CELSR3: variants seen among roughly 807,000 people sequenced by gnomAD.
CELSR3 encodes the protein EGF-like protein 1.
In CELSR3, 73 loss-of-function variants were observed where a neutral mutation model predicts 270.0. The ratio of observed to expected loss-of-function variants is 0.27; its 90% CI spans 0.22 to 0.33. CELSR3 has a LOEUF of 0.33. CELSR3 is among the 10% of genes least tolerant of loss of function. CELSR3 has a pLI of 1.00. For missense variants in CELSR3, 3,614 were observed against 4,533.8 expected, an observed-to-expected ratio of 0.80 and a Z score of 5.83; for synonymous variants, 1,780 against 1,905.4, an observed-to-expected ratio of 0.93 and a Z score of 1.71.
Position 48,654,321 on chromosome 3 carries a change from G to A in CELSR3, c.5120C>T (p.Ala1707Val), listed in dbSNP as rs755271701. 4.3e-6 allele frequency: 7 copies of A among 1,613,960 alleles called. No homozygotes were observed. The highest frequency in any genetic ancestry group is 4.5e-5 in the East Asian group (2 of 44,880). ...LHIDGRRVDM[A>V]AFVANNGTMA... is the part of the protein sequence containing the mutation. ...GGTGCCATTATTTGCGACAAAAGCC[G>A]CCATGTCCACTCGGCGGCCATCAAT... Residue 1707 changes from alanine (A) to valine (V), a missense_variant, in exon 7 of 35, where the codon GCG (alanine) becomes GTG (valine). Ala to Val is a moderately conservative substitution (Grantham distance 64). Around this residue, in one of 7 missense-constraint regions of CELSR3, gnomAD observed 1,331 missense variants for 1,933.7 expected, o/e 0.69. Transcript: ENST00000164024. This position sits in a 1 kb window ranked among gnomAD's most constrained non-coding sequence, Gnocchi z 5.4.
Position 48,655,224 on chromosome 3 carries a change from C to T in CELSR3, c.4831-23G>A. The T allele has an allele frequency of 6.2e-7, 1 of 1,614,022 alleles. No individual in the cohort carries two copies. On this transcript the variant is annotated intron_variant, in intron 5 of 34. Transcript: ENST00000164024. This position sits in a 1 kb window ranked among gnomAD's most constrained non-coding sequence, Gnocchi z 5.8. ...GGGCTGAAGACGCAGGCACACCAGT[C>T]AACAGTGCCCCCAGTAACCCCTGAG...
chr3:48,643,719 C>T (rs202095890), intron 27 of CELSR3, 42 bp from the exon 28 acceptor site: 2 of 1,548,018 alleles, frequency 1.3e-6, no homozygotes, highest in East Asian at 2.4e-5. Context: ...ACATGCAAGG[C>T]TCATGTAGGA....
chr3:48,638,146 TCC>T lies in CELSR3; in HGVS notation c.*57_*58del. 3 of 1,516,088 alleles carry T rather than the reference TCC, an allele frequency of 2.0e-6. No individual in the cohort carries two copies. The highest frequency in any genetic ancestry group is 2.7e-6 in the Non-Finnish European group (3 of 1,091,336). The allele number at this position is 1,516,088 out of a possible 1,614,324, so 93.9% of individuals were successfully genotyped here. A position where few individuals can be genotyped will look rare whatever the true frequency, so the allele number is the denominator to read the frequency against. ...GATCTGCCCCCACTCCTGGAGTCTC[TCC>T]TGTTAGCCTAGATCCTCTGTCGCCC... On this transcript the variant is annotated 3_prime_UTR_variant, in exon 35 of 35. Transcript: ENST00000164024.
Position 48,661,330 on chromosome 3 carries a change from T to C in CELSR3, c.1305A>G (p.Gln435=). ...DRNDHSPVFE[Q]AQYRETLREN... is the part of the protein sequence containing the mutation. The stretch of plus-strand genomic sequence containing the variant: ...CGCGAAGGGTCTCCCGGTACTGCGC[T>C]TGCTCAAAAACCGGCGAGTGGTCGT... Residue 435 remains glutamine, a synonymous_variant, in exon 1 of 35, where the codon CAA becomes CAG. Coordinates refer to ENST00000164024, the MANE Select transcript of CELSR3 (RefSeq NM_001407.3). The C allele has an allele frequency of 6.2e-7, 1 of 1,613,376 alleles. No individual in the cohort carries two copies. The highest frequency in any genetic ancestry group is 2.2e-5 in the East Asian group (1 of 44,874).
rs2047001112 is a variant in CELSR3, at chr3:48,639,316, C to T, written c.9911+358G>A. ...AGGCGAACCTTCCCAAGCAAGGCCT[C>T]CTGCTCTCCTCCCTGCCCCTTGCAT... On this transcript the variant is annotated intron_variant, in intron 34 of 34. Transcript: ENST00000164024. The surrounding 1 kb of genome is among the most constrained non-coding windows in gnomAD (Gnocchi z 4.1). 6.6e-6 allele frequency among the ~76,000 whole-genome samples: 1 copy of T among 152,198 alleles called. No homozygotes were observed. Among genetic ancestry groups the T allele is most frequent in the African/African-American group, 2.4e-5 (1 of 41,450 alleles).
chr3:48,645,979 T>G lies in CELSR3; in HGVS notation c.7463+111A>C. 2 of 1,570,490 alleles carry G rather than the reference T, an allele frequency of 1.3e-6. No homozygotes were observed. The highest frequency in any genetic ancestry group is 1.7e-6 in the Non-Finnish European group (2 of 1,153,094). ...TGGAGTTGGGGTACAGCATTCCTCATGGTCCGGGTTGCACAACAGCACTAG... is the reference window on the plus strand; with the variant it reads ...TGGAGTTGGGGTACAGCATTCCTCAGGGTCCGGGTTGCACAACAGCACTAG... On this transcript the variant is annotated intron_variant, in intron 22 of 34. Transcript: ENST00000164024. The surrounding 1 kb of genome is among the most constrained non-coding windows in gnomAD (Gnocchi z 5.4).
In CELSR3 at chr3:48,644,491, G is replaced by C. The variant is rs755480798; in HGVS notation, c.8086-196C>G. 1.3e-5 allele frequency among the ~76,000 whole-genome samples: 2 copies of C among 152,100 alleles called. No homozygotes were observed. The highest frequency in any genetic ancestry group is 2.9e-5 in the Non-Finnish European group (2 of 68,002). On this transcript the variant is annotated intron_variant, in intron 26 of 34. Coordinates refer to ENST00000164024, the MANE Select transcript of CELSR3 (RefSeq NM_001407.3). This position sits in a 1 kb window ranked among gnomAD's most constrained non-coding sequence, Gnocchi z 4.8. ...GGAACCAGAGAGGGACTGAGAGAGA[G>C]AAGCAGAGACAGAGGCAGGGACAGG...
rs1156857824 is a variant in CELSR3 at position 48,661,632 on chromosome 3, G to C, written c.1003C>G (p.Pro335Ala). The C allele has an allele frequency of 8.7e-6, 14 of 1,603,982 alleles. No individual in the cohort carries two copies. The highest frequency in any genetic ancestry group is 9.4e-6 in the Non-Finnish European group (11 of 1,175,264). Residue 335 changes from proline (P) to alanine (A), a missense_variant, in exon 1 of 35, where the codon CCG becomes GCG. By Grantham distance (27) the Pro-to-Ala change is conservative. Transcript: ENST00000164024. ...GCGGTGCCTGCTGCCTCATTCTCCG[G>C]CACCAGCGTCTGGTAGTTGTACTGC... is the stretch of plus-strand genomic sequence containing the variant. Reference protein sequence around the residue: ...FPQYNYQTLVPENEAAGTAVL... With the variant: ...FPQYNYQTLVAENEAAGTAVL...
In CELSR3 at chr3:48,650,431, A is replaced by G; in HGVS notation, c.6472+49T>C. 59 of 861,002 alleles carry G rather than the reference A, an allele frequency of 6.9e-5. No individual in the cohort carries two copies. Among genetic ancestry groups the G allele is most frequent in the East Asian group, 1.7e-4 (5 of 29,742 alleles). 53.3% of individuals were successfully genotyped at this position (861,002 alleles called of 1,614,324 possible). On this transcript the variant is annotated intron_variant, in intron 16 of 34. Coordinates refer to ENST00000164024, the MANE Select transcript of CELSR3 (RefSeq NM_001407.3). This position sits in a 1 kb window ranked among gnomAD's most constrained non-coding sequence, Gnocchi z 5.1. The stretch of plus-strand genomic sequence containing the variant: ...AAGACATGGCTCTAGCAGTCAGAGT[A>G]CAGGCCCACCCCCACCCTCAGTGAT...
chr3:48,642,732 T>C lies in CELSR3; in HGVS notation c.8555+4A>G. Reference sequence around the variant, plus strand: ...TTCCCTCACAAGGAGGCTCTTCCTCTCACCTGAGGTAGCTGCGGCCCCGCT... The same window carrying C: ...TTCCCTCACAAGGAGGCTCTTCCTCCCACCTGAGGTAGCTGCGGCCCCGCT... On this transcript the variant is annotated splice_donor_region_variant and intron_variant, in intron 30 of 34. Transcript: ENST00000164024. The surrounding 1 kb of genome is among the most constrained non-coding windows in gnomAD (Gnocchi z 6.1). The C allele has an allele frequency of 6.2e-7, 1 of 1,608,630 alleles. No homozygotes were observed. The highest frequency in any genetic ancestry group is 8.5e-7 in the Non-Finnish European group (1 of 1,179,282).
In CELSR3 at chr3:48,662,751, G is replaced by T; in HGVS notation, c.-117C>A. 1 of 241,884 alleles carries T rather than the reference G, an allele frequency of 4.1e-6. No homozygotes were observed. The highest frequency in any genetic ancestry group is 6.4e-6 in the Non-Finnish European group (1 of 155,802). The allele number at this position is 241,884 out of a possible 1,614,324, so 15.0% of individuals were successfully genotyped here. A position where few individuals can be genotyped will look rare whatever the true frequency, so the allele number is the denominator to read the frequency against. ...CGCCGCCCCGGGCCCCCGCCCCTCC[G>T]CCTGTCTCTCCGCACCCCCGCCGCC... On this transcript the variant is annotated 5_prime_UTR_variant, in exon 1 of 35. Coordinates refer to ENST00000164024, the MANE Select transcript of CELSR3 (RefSeq NM_001407.3). This position sits in a 1 kb window ranked among gnomAD's most constrained non-coding sequence, Gnocchi z 7.1.
In CELSR3 at chr3:48,651,536, C is replaced by T; in HGVS notation, c.6065+41G>A. On this transcript the variant is annotated intron_variant, in intron 13 of 34. Coordinates refer to ENST00000164024, the MANE Select transcript of CELSR3 (RefSeq NM_001407.3). The surrounding 1 kb of genome is among the most constrained non-coding windows in gnomAD (Gnocchi z 7.4). ...ACGGTATCCCAGTGACCCTCCCTGTCCCTGCCAGGTCTCCCCATCGCCTCA... is the reference window on the plus strand; with the variant it reads ...ACGGTATCCCAGTGACCCTCCCTGTTCCTGCCAGGTCTCCCCATCGCCTCA... 6.2e-7 allele frequency: 1 copy of T among 1,601,190 alleles called. No individual in the cohort carries two copies. The highest frequency in any genetic ancestry group is 8.5e-7 in the Non-Finnish European group (1 of 1,171,534).
Position 48,655,863 on chromosome 3 carries a change from G to T in CELSR3, c.4626-12C>A. Reference sequence around the variant, plus strand: ...GCACTGTCGCGAACCTGGGCGGGGTGGGAGGGGGTTGCGGGGGTGGGAGCG... The same window carrying T: ...GCACTGTCGCGAACCTGGGCGGGGTTGGAGGGGGTTGCGGGGGTGGGAGCG... On this transcript the variant is annotated splice_polypyrimidine_tract_variant and intron_variant, in intron 3 of 34. Coordinates refer to ENST00000164024, the MANE Select transcript of CELSR3 (RefSeq NM_001407.3). This position sits in a 1 kb window ranked among gnomAD's most constrained non-coding sequence, Gnocchi z 5.8. 2.1e-6 allele frequency: 3 copies of T among 1,456,696 alleles called. No homozygotes were observed. Among genetic ancestry groups the T allele is most frequent in the South Asian group, 1.2e-5 (1 of 86,712 alleles). The allele number at this position is 1,456,696 out of a possible 1,614,324, so 90.2% of individuals were successfully genotyped here.
intron 28 of CELSR3, 65 bp from the exon 29 acceptor site, chr3:48,643,148 G>A: frequency 9.1e-7 from 1 of 1,097,450 alleles, no homozygotes; most frequent in Non-Finnish European, 1.4e-6. Flanking sequence ...ATAAGTCACT[G>A]TGGGTCAGCA....
chr3:48,656,180 G>A lies in CELSR3; in HGVS notation c.4585C>T (p.Arg1529Cys). ...SFPPSSFVMF[R>C]GLRQRFHLTL... is the part of the protein sequence containing the mutation. Reference sequence around the variant, plus strand: ...AGGTGGAATCGCTGCCGCAGGCCGCGAAACATGACGAACGAACTGGGCGGG... The same window carrying A: ...AGGTGGAATCGCTGCCGCAGGCCGCAAAACATGACGAACGAACTGGGCGGG... Residue 1529 changes from arginine (R) to cysteine (C), a missense_variant, in exon 3 of 35, where the codon CGC becomes TGC. By Grantham distance (180) the Arg-to-Cys change is radical. Coordinates refer to ENST00000164024, the MANE Select transcript of CELSR3 (RefSeq NM_001407.3). 6.5e-7 allele frequency: 1 copy of A among 1,538,004 alleles called. No individual in the cohort carries two copies. The highest frequency in any genetic ancestry group is 8.7e-7 in the Non-Finnish European group (1 of 1,148,090).
rs571290185 is a variant in CELSR3 at position 48,645,525 on chromosome 3, C to G, written c.7715G>C (p.Arg2572Pro). 7 of 1,612,782 alleles carry G rather than the reference C, an allele frequency of 4.3e-6. No individual in the cohort carries two copies. The South Asian group carries it at 5.5e-5, about 13-fold the overall frequency. ...LSLRSLKSNVRGIHANVAAAL... is the reference protein window; with the variant it reads ...LSLRSLKSNVPGIHANVAAAL... ...GGCTGCCACATTGGCATGGATCCCA[C>G]GCACATTGGACTTGAGGCTGCGCAG... Residue 2572 changes from arginine to proline, a missense_variant, in exon 24 of 35, where the codon CGT becomes CCT. By Grantham distance (103) the Arg-to-Pro change is moderately radical. Transcript: ENST00000164024. The surrounding 1 kb of genome is among the most constrained non-coding windows in gnomAD (Gnocchi z 5.4).
Position 48,637,431 on chromosome 3 carries a change from C to T in CELSR3, c.*774G>A, listed in dbSNP as rs2046982072. Reference sequence around the variant, plus strand: ...GCTTGCTGCAGGGGCAGGTGAATGACCCCTCCACCGACCCTCTGCAGGAAT... The same window carrying T: ...GCTTGCTGCAGGGGCAGGTGAATGATCCCTCCACCGACCCTCTGCAGGAAT... On this transcript the variant is annotated 3_prime_UTR_variant, in exon 35 of 35. Coordinates refer to ENST00000164024, the MANE Select transcript of CELSR3 (RefSeq NM_001407.3). 5.9e-5 allele frequency: 9 copies of T among 152,722 alleles called. 1 individual carries two copies. The South Asian group carries it at 1.9e-3, about 32-fold the overall frequency. 9.5% of individuals were successfully genotyped at this position (152,722 alleles called of 1,614,324 possible).
chr3:48,641,098 C>T lies in CELSR3; in HGVS notation c.9025+226G>A. ...GATGGGCTGGGGCAGGAGTGGTCGC[C>T]TGTGGTCCCCCTGTGGTGCTGGCCA... On this transcript the variant is annotated intron_variant, in intron 33 of 34. Coordinates refer to ENST00000164024, the MANE Select transcript of CELSR3 (RefSeq NM_001407.3). This position sits in a 1 kb window ranked among gnomAD's most constrained non-coding sequence, Gnocchi z 4.8. 2 of 563,242 alleles carry T rather than the reference C, an allele frequency of 3.6e-6. No homozygotes were observed. The highest frequency in any genetic ancestry group is 6.3e-6 in the Non-Finnish European group (2 of 317,208). The allele number at this position is 563,242 out of a possible 1,614,324, so 34.9% of individuals were successfully genotyped here. A position where few individuals can be genotyped will look rare whatever the true frequency, so the allele number is the denominator to read the frequency against.
At position 48,654,954 on chromosome 3, in the gene CELSR3, T is replaced by C. The variant is rs548735084; in HGVS notation, c.4988+90A>G. Reference sequence around the variant, plus strand: ...TGGTTTGGGGGAAAGATGGGAGAGTTTGGCAGGATGGGATGAGGAATGGGA... The same window carrying C: ...TGGTTTGGGGGAAAGATGGGAGAGTCTGGCAGGATGGGATGAGGAATGGGA... On this transcript the variant is annotated intron_variant, in intron 6 of 34. Coordinates refer to ENST00000164024, the MANE Select transcript of CELSR3 (RefSeq NM_001407.3). The surrounding 1 kb of genome is among the most constrained non-coding windows in gnomAD (Gnocchi z 5.4). The C allele has an allele frequency of 7.5e-7, 1 of 1,327,230 alleles. No homozygotes were observed. Among genetic ancestry groups the C allele is most frequent in the Admixed American group, 1.7e-5 (1 of 57,876 alleles). 82.2% of individuals were successfully genotyped at this position (1,327,230 alleles called of 1,614,324 possible).
Sources: allele counts gnomAD v4.1 joint callset (sites outside exome capture counted in the v4.1 genomes callset), GRCh38; gene constraint gnomAD v4.1.1; regional missense constraint gnomAD v4.1.1; non-coding constraint Gnocchi (gnomAD v3.1); transcripts MANE v1.5; gene names NCBI Gene and HGNC (gene_info 2026-07-23, HGNC 2026-07-21).